Variants in CFAP77 observed in about 807,000 individuals in gnomAD.
CFAP77 encodes cilia- and flagella-associated protein 77.
In CFAP77, 25 loss-of-function variants were observed where a neutral mutation model predicts 31.1. That is an observed-to-expected ratio of 0.80 (90% CI 0.59 to 1.12). CFAP77 has a LOEUF of 1.12. Among genes scored for constraint, CFAP77 ranks in the 50% most tolerant of loss-of-function variants. The pLI is 0.00. For synonymous variants in CFAP77, 151 were observed against 159.9 expected (o/e 0.94, Z 0.42); for missense variants, 377 against 397.3 (o/e 0.95, Z 0.44).
intron 1 of CFAP77, among the ~76,000 whole-genome samples, chr9:132,452,217 G>A (rs1054624536): frequency 1.3e-5 from 2 of 152,224 alleles, no homozygotes; most frequent in Non-Finnish European, 2.9e-5. Flanking sequence ...CCCAGTTGGT[G>A]TGCCCTTGTG....
intron 3 of CFAP77, among the ~76,000 whole-genome samples, chr9:132,525,855 T>C (rs1237217439): frequency 1.3e-5 from 2 of 152,220 alleles, no homozygotes; most frequent in Non-Finnish European, 2.9e-5. Flanking sequence ...TTGCTCTGCA[T>C]AAGGCCTAGA....
At chr9:132,412,617 C>CT (rs796226670) in intron 1 of CFAP77, among the ~76,000 whole-genome samples, 15 of 149,006 alleles carry the variant, frequency 1.0e-4, no homozygotes, top group South Asian at 4.3e-4. Context: ...TTGTTTTGTG[C>CT]TTTTTTTTTT....
chr9:132,429,627 A>T (rs1322144990), intron 1 of CFAP77, among the ~76,000 whole-genome samples: 1 of 150,578 alleles, frequency 6.6e-6, no homozygotes, highest in East Asian at 1.9e-4. Flanking sequence ...GGTGGATCAC[A>T]AGGTCAGGAG....
At chr9:132,572,249 A>T in intron 5 of CFAP77, 139 bp from the exon 6 acceptor site, 5 of 1,102,066 alleles carry the variant, frequency 4.5e-6, no homozygotes, top group Non-Finnish European at 6.4e-6. Flanking sequence ...GGCTCACAGC[A>T]CTTGCTGTGA....
rs1851430745 is a variant in CFAP77, at chr9:132,480,770, T to C, written c.196-17925T>C. ...GGCCAGGCGCCGGTGAGGAGAGGGA[T>C]GTGTCAGCCTGAGCACAGACTTCAT... is the stretch of plus-strand genomic sequence containing the variant. On this transcript the variant is annotated intron_variant, in intron 1 of 5. Transcript: ENST00000393216. This position sits in a 1 kb window ranked among gnomAD's most constrained non-coding sequence, Gnocchi z 5.8. Among the ~76,000 whole-genome samples, 1 of 151,994 alleles carries C rather than the reference T, an allele frequency of 6.6e-6. No homozygotes were observed. Among genetic ancestry groups the C allele is most frequent in the Non-Finnish European group, 1.5e-5 (1 of 68,000 alleles).
chr9:132,561,686 G>C (rs889568812), intron 5 of CFAP77, among the ~76,000 whole-genome samples: 1 of 148,800 alleles, frequency 6.7e-6, no homozygotes, highest in African/African-American at 2.5e-5. Context: ...CTCTGGGATG[G>C]GTTCGCAAGC....
intron 1 of CFAP77, among the ~76,000 whole-genome samples, chr9:132,430,374 G>A (rs957089757): frequency 6.6e-6 from 1 of 152,062 alleles, no homozygotes; most frequent in Non-Finnish European, 1.5e-5. Context: ...ATTTTTGCAA[G>A]CATTAGATGT....
intron 1 of CFAP77, among the ~76,000 whole-genome samples, chr9:132,428,396 G>A (rs903666228): frequency 6.6e-6 from 1 of 152,014 alleles, no homozygotes; most frequent in African/African-American, 2.4e-5. Context: ...TGAGGCAGGC[G>A]GGAGGTCAGG....
At chr9:132,419,477 A>G (rs1415013577) in intron 1 of CFAP77, among the ~76,000 whole-genome samples, 1 of 152,228 alleles carries the variant, frequency 6.6e-6, no homozygotes, top group Non-Finnish European at 1.5e-5. Flanking sequence ...CAAAAAGGCA[A>G]CGAGAGAGGT....
rs138678067 is a variant in CFAP77, at chr9:132,427,107, G to A, written c.195+16641G>A. Among the ~76,000 whole-genome samples the A allele has an allele frequency of 2.6e-5, 4 of 152,336 alleles. No homozygotes were observed. The East Asian group carries it at 7.7e-4, about 29-fold the overall frequency. On this transcript the variant is annotated intron_variant, in intron 1 of 5. Coordinates refer to ENST00000393216, the MANE Select transcript of CFAP77 (RefSeq NM_001282957.2). ...GCAGCTAAGTTATTTCTGGGCTGGAGAGAATACATTTTAAGACACAGGTGG... is the reference window on the plus strand; with the variant it reads ...GCAGCTAAGTTATTTCTGGGCTGGAAAGAATACATTTTAAGACACAGGTGG...
At position 132,537,635 on chromosome 9, in the gene CFAP77, C is replaced by T. The variant is rs182716958; in HGVS notation, c.559C>T (p.Arg187Trp). 6.1e-5 allele frequency: 98 copies of T among 1,613,380 alleles called. No homozygotes were observed. Among genetic ancestry groups the T allele is most frequent in the Admixed American group, 3.0e-4 (18 of 59,946 alleles). ...ACCCTTCTTTGATCTGCTGCAGCAC[C>T]GGTACCTGCAGCTGTGGGTACAGGA... ...STPFFDLLQH[R>W]YLQLWVQEQK... The change falls in exon 4 of 6, where the codon CGG becomes TGG. Residue 187 changes from arginine (R) to tryptophan (W), a missense_variant. Coordinates refer to ENST00000393216, the MANE Select transcript of CFAP77 (RefSeq NM_001282957.2).
chr9:132,496,462 A>G (rs955887651), intron 1 of CFAP77, among the ~76,000 whole-genome samples: 2 of 152,198 alleles, frequency 1.3e-5, no homozygotes, highest in Non-Finnish European at 2.9e-5. Flanking sequence ...TCACTCCCCA[A>G]AGAACGCCCC....
At chr9:132,538,033 C>T (rs553141754) in intron 4 of CFAP77, among the ~76,000 whole-genome samples, 2 of 152,310 alleles carry the variant, frequency 1.3e-5, no homozygotes, top group East Asian at 1.9e-4. Context: ...CCTCTGCACA[C>T]ACCCAAAATC....
chr9:132,438,541 A>ATATATTTTTTTTTTTTTT, intron 1 of CFAP77, among the ~76,000 whole-genome samples: 1 of 108,124 alleles, frequency 9.2e-6, no homozygotes, highest in East Asian at 2.3e-4. Context: ...ATATATATAT[A>ATATATTTTTTTTTTTTTT]TTTTTTTTTT....
chr9:132,486,006 A>ATGTATG (rs1177608761), intron 1 of CFAP77, among the ~76,000 whole-genome samples: 1 of 30,866 alleles, frequency 3.2e-5, no homozygotes, highest in Non-Finnish European at 5.0e-5. Flanking sequence ...ATATATATAT[A>ATGTATG]TATATATATA....
intron 1 of CFAP77, among the ~76,000 whole-genome samples, chr9:132,487,425 C>T (rs1851580730): frequency 6.6e-6 from 1 of 152,150 alleles, no homozygotes; most frequent in Admixed American, 6.6e-5. Flanking sequence ...GAGACTTTTT[C>T]ATAGATAAAA....
chr9:132,537,623 C>T lies in CFAP77; in HGVS notation c.547C>T (p.Leu183=), dbSNP rs1391079283. Residue 183 remains leucine, a synonymous_variant, in exon 4 of 6, where the codon CTG becomes TTG. Coordinates refer to ENST00000393216, the MANE Select transcript of CFAP77 (RefSeq NM_001282957.2). ...CAGGCCTTCCACACCCTTCTTTGAT[C>T]TGCTGCAGCACCGGTACCTGCAGCT... ...RARPSTPFFD[L]LQHRYLQLWV... is the part of the protein sequence containing the mutation. The T allele has an allele frequency of 6.2e-7, 1 of 1,612,916 alleles. No individual in the cohort carries two copies.
At chr9:132,438,141 G>A (rs1021570540) in intron 1 of CFAP77, among the ~76,000 whole-genome samples, 3 of 139,888 alleles carry the variant, frequency 2.1e-5, no homozygotes, top group Non-Finnish European at 3.0e-5. Flanking sequence ...GGCGGAGGTT[G>A]TATTGAGCCA....
At chr9:132,435,064 A>T (rs1016407386) in intron 1 of CFAP77, among the ~76,000 whole-genome samples, 1 of 152,220 alleles carries the variant, frequency 6.6e-6, no homozygotes, top group Non-Finnish European at 1.5e-5. Flanking sequence ...ACTCAAGTGG[A>T]TCCCTTTCTT....
Sources: gnomAD v4.1 joint callset for allele counts (sites outside exome capture counted in the v4.1 genomes callset) on GRCh38, gnomAD v4.1.1 for gene constraint, Gnocchi (gnomAD v3.1) non-coding constraint, MANE v1.5 for transcripts, NCBI Gene and HGNC (gene_info 2026-07-23, HGNC 2026-07-21) for gene names.